CNTNAP2: variants seen among roughly 807,000 people sequenced by gnomAD.
The protein encoded by CNTNAP2 is contactin-associated protein-like 2.
A neutral mutation model predicts 155.2 loss-of-function variants in CNTNAP2; 98 were observed. That is an observed-to-expected ratio of 0.63 (90% CI 0.54 to 0.75). The LOEUF is 0.75. Ranked by LOEUF, CNTNAP2 falls within the 30% of genes least tolerant of loss-of-function variation. The pLI, the probability that CNTNAP2 is intolerant of heterozygous loss-of-function variation, is 0.00. For missense variants in CNTNAP2, 1,727 were observed against 1,688.1 expected, an observed-to-expected ratio of 1.02 and a Z score of -0.40; for synonymous variants, 651 against 631.2, an observed-to-expected ratio of 1.03 and a Z score of -0.47.
At chr7:147,973,160 T>TAAAAA (rs35756000) in intron 14 of CNTNAP2, among the ~76,000 whole-genome samples, 6 of 120,830 alleles carry the variant, frequency 5.0e-5, no homozygotes, top group East Asian at 2.9e-4. Flanking sequence ...TCTCTAAAAT[T>TAAAAA]AAAAAAAAAA....
chr7:147,650,831 ATT>A (rs139979656), intron 13 of CNTNAP2, among the ~76,000 whole-genome samples: 1 of 151,884 alleles, frequency 6.6e-6, no homozygotes, highest in Non-Finnish European at 1.5e-5. Flanking sequence ...ATAGAGTGAA[ATT>A]TTTTTTATGA....
intron 10 of CNTNAP2, among the ~76,000 whole-genome samples, chr7:147,400,791 G>A (rs1796899328): frequency 6.6e-6 from 1 of 152,132 alleles, no homozygotes. Flanking sequence ...TAGAGCTGTA[G>A]GGTCAAGAAA....
chr7:147,367,799 T>A (rs895845495), intron 9 of CNTNAP2, among the ~76,000 whole-genome samples: 4 of 152,126 alleles, frequency 2.6e-5, no homozygotes, highest in African/African-American at 9.7e-5. Context: ...TTATCATTTT[T>A]AAAAAATTTT....
chr7:146,858,957 A>G (rs887737889), intron 3 of CNTNAP2, among the ~76,000 whole-genome samples: 2 of 152,174 alleles, frequency 1.3e-5, no homozygotes, highest in African/African-American at 4.8e-5. Flanking sequence ...CATTGGAGAA[A>G]TGATAATGTA....
chr7:147,850,718 T>A (rs564650248), intron 13 of CNTNAP2, among the ~76,000 whole-genome samples: 1 of 152,200 alleles, frequency 6.6e-6, no homozygotes, highest in East Asian at 1.9e-4. Flanking sequence ...TGGCTAGCCA[T>A]ATGTAGAAAG....
At chr7:148,106,067 G>A in intron 15 of CNTNAP2, among the ~76,000 whole-genome samples, 1 of 152,316 alleles carries the variant, frequency 6.6e-6, no homozygotes, top group South Asian at 2.1e-4. Context: ...TTTAGAAGGT[G>A]TGGCTATCAG....
At chr7:147,502,313 A>G (rs1357205833) in intron 11 of CNTNAP2, among the ~76,000 whole-genome samples, 1 of 152,220 alleles carries the variant, frequency 6.6e-6, no homozygotes, top group African/African-American at 2.4e-5. Flanking sequence ...AGTGTGAGGG[A>G]AATGCATATC....
intron 1 of CNTNAP2, among the ~76,000 whole-genome samples, chr7:146,753,499 A>C (rs1801941253): frequency 6.6e-6 from 1 of 152,090 alleles, no homozygotes. Flanking sequence ...CATGTGAGTC[A>C]ATAAGAAAAG....
At chr7:148,122,844 A>G (rs183799088) in intron 16 of CNTNAP2, among the ~76,000 whole-genome samples, 25 of 152,106 alleles carry the variant, frequency 1.6e-4, no homozygotes, top group Non-Finnish European at 2.6e-4. Flanking sequence ...GCACAGAGCA[A>G]GAATACATCT....
In CNTNAP2 at chr7:147,121,167, C is replaced by T; in HGVS notation, c.939+4C>T. 6.2e-7 allele frequency: 1 copy of T among 1,613,660 alleles called. No homozygotes were observed. The highest frequency in any genetic ancestry group is 8.5e-7 in the Non-Finnish European group (1 of 1,179,576). On this transcript the variant is annotated splice_donor_region_variant and intron_variant, in intron 6 of 23. Coordinates refer to ENST00000361727, the MANE Select transcript of CNTNAP2 (RefSeq NM_014141.6). ...CTACCTGGACTTGGACTATGAGGTACATGTGATGACGTAGAAATTGTAATA... is the reference window on the plus strand; with the variant it reads ...CTACCTGGACTTGGACTATGAGGTATATGTGATGACGTAGAAATTGTAATA...
At chr7:146,940,984 C>A (rs1212481254) in intron 3 of CNTNAP2, among the ~76,000 whole-genome samples, 1 of 151,926 alleles carries the variant, frequency 6.6e-6, no homozygotes, top group Non-Finnish European at 1.5e-5. Context: ...TATTCTTGCT[C>A]TTTTTTAAAG....
chr7:146,344,053 A>C (rs1297441789), intron 1 of CNTNAP2, among the ~76,000 whole-genome samples: 3 of 152,218 alleles, frequency 2.0e-5, no homozygotes, highest in Non-Finnish European at 4.4e-5. Flanking sequence ...AGAGGAAAGG[A>C]AATAGAGAAG....
chr7:146,874,581 C>T (rs1021273549), intron 3 of CNTNAP2, among the ~76,000 whole-genome samples: 13 of 152,186 alleles, frequency 8.5e-5, no homozygotes, highest in Admixed American at 2.6e-4. Flanking sequence ...TCAGGTGATC[C>T]GCCCACCGTG....
At chr7:147,591,117 A>G (rs1800727268) in intron 12 of CNTNAP2, among the ~76,000 whole-genome samples, 1 of 152,198 alleles carries the variant, frequency 6.6e-6, no homozygotes, top group Admixed American at 6.5e-5. Context: ...CCTGCATCTT[A>G]GGTTGCCTTT....
rs1161330157 is a variant in CNTNAP2 at position 146,527,965 on chromosome 7, T to A, written c.98-246306T>A. On this transcript the variant is annotated intron_variant, in intron 1 of 23. Coordinates refer to ENST00000361727, the MANE Select transcript of CNTNAP2 (RefSeq NM_014141.6). The stretch of plus-strand genomic sequence containing the variant: ...TATATTACATTTTACGGCTTTTGTT[T>A]TAATTTTATCTACCACTATAGTCAA... Among the ~76,000 whole-genome samples, 5 of 152,304 alleles carry A rather than the reference T, an allele frequency of 3.3e-5. No homozygotes were observed. The East Asian group carries it at 9.7e-4, about 29-fold the overall frequency.
At chr7:147,477,431 G>A (rs1267253339) in intron 10 of CNTNAP2, among the ~76,000 whole-genome samples, 1 of 152,010 alleles carries the variant, frequency 6.6e-6, no homozygotes, top group East Asian at 1.9e-4. Context: ...GGTTTCTTGT[G>A]GTCTCATTCT....
At chr7:147,169,253 C>G (rs1802179841) in intron 8 of CNTNAP2, among the ~76,000 whole-genome samples, 1 of 152,082 alleles carries the variant, frequency 6.6e-6, no homozygotes, top group Admixed American at 6.5e-5. Context: ...ATGCGAAGTT[C>G]TAGCTTCAAG....
At chr7:146,967,059 C>T (rs1311100258) in intron 3 of CNTNAP2, among the ~76,000 whole-genome samples, 1 of 152,066 alleles carries the variant, frequency 6.6e-6, no homozygotes, top group Non-Finnish European at 1.5e-5. Flanking sequence ...ATCTATTGAT[C>T]ACAGAAGATC....
chr7:146,151,649 T>TGCGC (rs1562968904), intron 1 of CNTNAP2, among the ~76,000 whole-genome samples: 1 of 28,536 alleles, frequency 3.5e-5, no homozygotes, highest in Non-Finnish European at 6.0e-5. Flanking sequence ...TATATATATA[T>TGCGC]ATATATATAT....
Sources: allele counts gnomAD v4.1 joint callset (sites outside exome capture counted in the v4.1 genomes callset), GRCh38; gene constraint gnomAD v4.1.1; transcripts MANE v1.5; gene names NCBI Gene and HGNC (gene_info 2026-07-23, HGNC 2026-07-21).